The following DPP10 variants were observed in gnomAD, a reference collection of about 807,000 sequenced individuals.
DPP10 encodes inactive dipeptidyl peptidase 10.
In DPP10, 33 loss-of-function variants were observed where a neutral mutation model predicts 120.9. That is an observed-to-expected ratio of 0.27 (90% CI 0.21 to 0.37). The LOEUF (loss-of-function observed/expected upper bound fraction) is 0.37, where lower values mean the gene tolerates loss of function less well. Among genes scored for constraint, DPP10 ranks in the 10% least tolerant of loss-of-function variants. The pLI is 1.00. For missense variants in DPP10, 816 were observed against 942.8 expected (o/e 0.87, Z 1.76); for synonymous variants, 337 against 326.1 (o/e 1.03, Z -0.36).
At chr2:114,497,764 G>C (rs1476288244) in intron 1 of DPP10, among the ~76,000 whole-genome samples, 1 of 152,116 alleles carries the variant, frequency 6.6e-6, no homozygotes, top group African/African-American at 2.4e-5. Context: ...AACAACAAAG[G>C]ACATGTTTGA....
At chr2:114,731,799 G>A (rs999305269) in intron 1 of DPP10, among the ~76,000 whole-genome samples, 3 of 152,210 alleles carry the variant, frequency 2.0e-5, no homozygotes, top group South Asian at 4.1e-4. Context: ...GACACCATGC[G>A]CAGCCAACAG....
chr2:115,101,978 G>A (rs2048711193), intron 1 of DPP10, among the ~76,000 whole-genome samples: 1 of 152,218 alleles, frequency 6.6e-6, no homozygotes, highest in African/African-American at 2.4e-5. Context: ...GAGAAATGAG[G>A]AAGTTAACAT....
chr2:115,041,529 C>T (rs997646867), intron 1 of DPP10, among the ~76,000 whole-genome samples: 2 of 151,970 alleles, frequency 1.3e-5, no homozygotes, highest in African/African-American at 4.8e-5. Flanking sequence ...TTTTATGACC[C>T]AAATCAGGAT....
chr2:115,608,540 T>C (rs955833212), intron 5 of DPP10, among the ~76,000 whole-genome samples: 8 of 152,144 alleles, frequency 5.3e-5, no homozygotes, highest in Non-Finnish European at 1.0e-4. Context: ...ATGTAGTTGT[T>C]CCAAATAAAA....
chr2:115,062,930 G>T (rs1313449458), intron 1 of DPP10, among the ~76,000 whole-genome samples: 1 of 152,064 alleles, frequency 6.6e-6, no homozygotes, highest in Non-Finnish European at 1.5e-5. Context: ...TGGGTCAAAT[G>T]GTATTTCTGG....
At chr2:114,812,844 A>G (rs1253208706) in intron 1 of DPP10, among the ~76,000 whole-genome samples, 1 of 152,124 alleles carries the variant, frequency 6.6e-6, no homozygotes, top group Non-Finnish European at 1.5e-5. Context: ...TCACAAATAC[A>G]TGGTTTTGGG....
At chr2:115,749,879 A>G (rs1313429521) in intron 10 of DPP10, 2 of 550,146 alleles carry the variant, frequency 3.6e-6, no homozygotes, top group Non-Finnish European at 4.6e-6. Flanking sequence ...TGGGGCCTCC[A>G]TTCCACATAA....
intron 1 of DPP10, among the ~76,000 whole-genome samples, chr2:115,216,582 G>T (rs1050440875): frequency 3.3e-5 from 5 of 152,010 alleles, no homozygotes; most frequent in Non-Finnish European, 7.4e-5. Context: ...CCAGGAGTTC[G>T]AGAGAAGCCT....
intron 1 of DPP10, among the ~76,000 whole-genome samples, chr2:114,772,167 T>C (rs1050957782): frequency 1.3e-5 from 2 of 151,470 alleles, no homozygotes; most frequent in African/African-American, 4.8e-5. Flanking sequence ...ATTAATATTA[T>C]TATTTTTGGA....
chr2:115,814,955 A>G lies in DPP10; in HGVS notation c.1863A>G (p.Ser621=). The G allele has an allele frequency of 6.2e-7, 1 of 1,611,082 alleles. No individual in the cohort carries two copies. Among genetic ancestry groups the G allele is most frequent in the African/African-American group, 1.3e-5 (1 of 75,030 alleles). The change falls in exon 20 of 26, where the codon TCA becomes TCG. Residue 621 remains serine, a synonymous_variant. Transcript: ENST00000410059. The stretch of plus-strand genomic sequence containing the variant: ...AGGAGATTCATCGAAGATTAGGTTC[A>G]GTAGAAGTAAAGGACCAAATAACAG... The part of the protein sequence containing the change: ...ILQEIHRRLG[S]VEVKDQITAV...
At chr2:114,897,126 A>G (rs1250152169) in intron 1 of DPP10, among the ~76,000 whole-genome samples, 6 of 151,974 alleles carry the variant, frequency 3.9e-5, no homozygotes, top group Middle Eastern at 3.4e-3. Flanking sequence ...TGTGCTGCTG[A>G]ATTCGGTTTG....
At chr2:114,868,043 C>G (rs1476401505) in intron 1 of DPP10, among the ~76,000 whole-genome samples, 1 of 152,222 alleles carries the variant, frequency 6.6e-6, no homozygotes, top group Non-Finnish European at 1.5e-5. Context: ...CAGACACTCA[C>G]ATCTTCTGGT....
At chr2:115,259,948 A>G (rs184397280) in intron 1 of DPP10, among the ~76,000 whole-genome samples, 6 of 151,906 alleles carry the variant, frequency 3.9e-5, no homozygotes, top group Middle Eastern at 3.4e-3. Context: ...AGTCGGTCAT[A>G]TGTTTCTTTT....
chr2:115,380,680 G>C, intron 3 of DPP10, among the ~76,000 whole-genome samples: 1 of 152,154 alleles, frequency 6.6e-6, no homozygotes, highest in East Asian at 1.9e-4. Context: ...TGATTTTGCA[G>C]TGGCTGGTAC....
intron 3 of DPP10, among the ~76,000 whole-genome samples, chr2:115,454,285 C>T (rs939996953): frequency 6.6e-6 from 1 of 151,562 alleles, no homozygotes; most frequent in Non-Finnish European, 1.5e-5. Flanking sequence ...AAATAAACAA[C>T]AAAAACTACA....
At chr2:115,551,209 A>G (rs1010927422) in intron 5 of DPP10, among the ~76,000 whole-genome samples, 2 of 152,130 alleles carry the variant, frequency 1.3e-5, no homozygotes, top group Non-Finnish European at 2.9e-5. Context: ...GACATTTCAG[A>G]TTGTAATAAT....
intron 1 of DPP10, among the ~76,000 whole-genome samples, chr2:114,824,259 A>T (rs1297338830): frequency 6.6e-6 from 1 of 152,164 alleles, no homozygotes; most frequent in African/African-American, 2.4e-5. Flanking sequence ...TGGTGTAGAG[A>T]TGCTAATTCT....
intron 1 of DPP10, among the ~76,000 whole-genome samples, chr2:114,933,249 T>C (rs1219887512): frequency 1.3e-5 from 2 of 152,206 alleles, no homozygotes; most frequent in Admixed American, 1.3e-4. Flanking sequence ...CAGTAGGATT[T>C]TGACCACTTG....
intron 1 of DPP10, among the ~76,000 whole-genome samples, chr2:115,260,593 T>TACTCTTATTCATGAATGTGTTTA (rs1321866470): frequency 3.3e-5 from 5 of 152,208 alleles, no homozygotes; most frequent in African/African-American, 1.2e-4. Context: ...GAGTGTAAGT[T>TACTCTTATTCATGAATGTGTTTA]ACTCTTATTC....
Sources: allele counts gnomAD v4.1 joint callset (sites outside exome capture counted in the v4.1 genomes callset), GRCh38; gene constraint gnomAD v4.1.1; transcripts MANE v1.5; gene names NCBI Gene and HGNC (gene_info 2026-07-23, HGNC 2026-07-21).